Variants in OSBPL6 observed in about 807,000 individuals in gnomAD.
OSBPL6 encodes oxysterol binding protein like 6.
In OSBPL6, 49 loss-of-function variants were observed where a neutral mutation model predicts 125.8. The ratio of observed to expected loss-of-function variants is 0.39; its 90% CI spans 0.31 to 0.49. The LOEUF is 0.49. Among genes scored for constraint, OSBPL6 ranks in the 20% least tolerant of loss-of-function variants. The probability of loss-of-function intolerance (pLI) is 0.88; values close to 1 mark genes in which losing one functional copy is unlikely to be tolerated. For missense variants in OSBPL6, 986 were observed against 1,135.4 expected (o/e 0.87, Z 1.89); for synonymous variants, 394 against 391.8 (o/e 1.01, Z -0.07).
At chr2:178,383,554 C>T (rs904139068) in intron 17 of OSBPL6, among the ~76,000 whole-genome samples, 2 of 152,190 alleles carry the variant, frequency 1.3e-5, no homozygotes, top group Non-Finnish European at 2.9e-5. Context: ...CACACCTTGC[C>T]TCACTTTATC....
At position 178,401,604 on chromosome 2, in the gene OSBPL6, G is replaced by A. The variant is rs1696105337; in HGVS notation, c.*6045G>A. On this transcript the variant is annotated 3_prime_UTR_variant, in exon 25 of 25. Transcript: ENST00000190611. ...AGAAACAAGGCAAGAATGAATACAA[G>A]AGAAATGGAATCTGGGGAAAAAAGT... 6.6e-6 allele frequency: 1 copy of A among 152,200 alleles called. No individual in the cohort carries two copies. Among genetic ancestry groups the A allele is most frequent in the Non-Finnish European group, 1.5e-5 (1 of 68,038 alleles). The allele number at this position is 152,200 out of a possible 1,614,324, so 9.4% of individuals were successfully genotyped here. A position where few individuals can be genotyped will look rare whatever the true frequency, so the allele number is the denominator to read the frequency against.
chr2:178,204,664 G>A (rs1405733394), intron 1 of OSBPL6, among the ~76,000 whole-genome samples: 1 of 152,224 alleles, frequency 6.6e-6, no homozygotes, highest in African/African-American at 2.4e-5. Context: ...ATCTTGGCCA[G>A]AAGGAGAAGT....
chr2:178,384,096 A>C lies in OSBPL6; in HGVS notation c.1933A>C (p.Ser645Arg). The C allele has an allele frequency of 6.2e-7, 1 of 1,614,188 alleles. No individual in the cohort carries two copies. The change falls in exon 18 of 25, where the codon AGT becomes CGT. Residue 645 changes from serine to arginine, a missense_variant. Ser to Arg is a moderately radical substitution (Grantham distance 110, BLOSUM62 -1). Around this residue, in one of 3 missense-constraint regions of OSBPL6, gnomAD observed 843 missense variants for 997.3 expected, o/e 0.85. Coordinates refer to ENST00000190611, the MANE Select transcript of OSBPL6 (RefSeq NM_032523.4). ...GYCSTYFRAG[S>R]KPFNPVLGET... is the part of the protein sequence containing the mutation. ...CTGCTCCACCTATTTCAGAGCAGGA[A>C]GTAAGCCATTCAACCCAGTCCTTGG...
rs1016067358 is a variant in OSBPL6, at chr2:178,230,256, T to C, written c.-351+35582T>C. ...AAATTGTAGATTAGTTGGCTGATCA[T>C]GTGCCAAGTGAAAACTTGTGGAGGT... On this transcript the variant is annotated intron_variant, in intron 1 of 24. Coordinates refer to ENST00000190611, the MANE Select transcript of OSBPL6 (RefSeq NM_032523.4). Among the ~76,000 whole-genome samples, 14 of 152,332 alleles carry C rather than the reference T, an allele frequency of 9.2e-5. No individual in the cohort carries two copies. The East Asian group carries it at 2.5e-3, about 27-fold the overall frequency.
intron 4 of OSBPL6, among the ~76,000 whole-genome samples, chr2:178,325,662 A>G (rs1214796791): frequency 5.3e-5 from 8 of 152,260 alleles, no homozygotes; most frequent in Admixed American, 5.2e-4. Context: ...ACTTTACGCC[A>G]GGCACTGGAT....
Position 178,268,103 on chromosome 2 carries a change from A to G in OSBPL6, c.-350-16824A>G, listed in dbSNP as rs1007630277. Among the ~76,000 whole-genome samples the G allele has an allele frequency of 1.1e-4, 16 of 143,672 alleles. 1 individual carries two copies. The highest frequency in any genetic ancestry group is 2.3e-4 in the Non-Finnish European group (15 of 65,990). 94.3% of individuals were successfully genotyped at this position (143,672 alleles called of 152,430 possible). A position where few individuals can be genotyped will look rare whatever the true frequency, so the allele number is the denominator to read the frequency against. The stretch of plus-strand genomic sequence containing the variant: ...AAATTTTCTTTTTTTTTTTTTTGAG[A>G]TGGAGTTTCACTCTTGTTGCCCAGG... On this transcript the variant is annotated intron_variant, in intron 1 of 24. Transcript: ENST00000190611.
chr2:178,314,823 G>A lies in OSBPL6; in HGVS notation c.102+8537G>A, dbSNP rs59461253. On this transcript the variant is annotated intron_variant, in intron 3 of 24. Coordinates refer to ENST00000190611, the MANE Select transcript of OSBPL6 (RefSeq NM_032523.4). ...CAGTGGAGACAGGATTTGCTCCCTG[G>A]AACCCAGTTTCTGGAGCCCTTGTTC... Among the ~76,000 whole-genome samples, 1,495 of 152,234 alleles carry A rather than the reference G, an allele frequency of 9.8e-3. 30 individuals carry two copies. The highest frequency in any genetic ancestry group is 0.034 in the African/African-American group (1,424 of 41,538).
intron 11 of OSBPL6, chr2:178,344,427 C>A: frequency 6.7e-7 from 1 of 1,499,060 alleles, no homozygotes; most frequent in Non-Finnish European, 9.3e-7. Context: ...GGATGACTCC[C>A]CTGTCCTGAT....
intron 2 of OSBPL6, among the ~76,000 whole-genome samples, chr2:178,302,632 T>C (rs563561477): frequency 9.9e-5 from 15 of 152,272 alleles, no homozygotes; most frequent in Admixed American, 7.2e-4. Context: ...AACAATAACC[T>C]CAAAAACAAT....
chr2:178,375,556 G>A (rs560668332), intron 15 of OSBPL6, among the ~76,000 whole-genome samples: 34 of 152,146 alleles, frequency 2.2e-4, no homozygotes, highest in African/African-American at 8.2e-4. Context: ...CCAAGTAGTG[G>A]GGATTACAGG....
At chr2:178,379,708 A>G (rs1694287346) in intron 15 of OSBPL6, among the ~76,000 whole-genome samples, 1 of 152,190 alleles carries the variant, frequency 6.6e-6, no homozygotes, top group Non-Finnish European at 1.5e-5. Context: ...ACTTTCAAGC[A>G]TAAGAAGTTG....
intron 2 of OSBPL6, among the ~76,000 whole-genome samples, chr2:178,296,369 CAGT>C (rs1332270159): frequency 2.0e-5 from 3 of 152,122 alleles, no homozygotes; most frequent in Non-Finnish European, 2.9e-5. Context: ...AGAGAGACTT[CAGT>C]AAATTGCCTG....
intron 11 of OSBPL6, among the ~76,000 whole-genome samples, chr2:178,346,292 T>C (rs930854892): frequency 1.3e-5 from 2 of 152,214 alleles, no homozygotes; most frequent in Admixed American, 1.3e-4. Context: ...AAAGAATCCC[T>C]GTACACATAG....
At chr2:178,290,347 C>T (rs1267874522) in intron 2 of OSBPL6, among the ~76,000 whole-genome samples, 1 of 151,532 alleles carries the variant, frequency 6.6e-6, no homozygotes, top group Non-Finnish European at 1.5e-5. Flanking sequence ...GAGAAACTTC[C>T]CTTTTTTCTT....
Position 178,383,040 on chromosome 2 carries a change from T to C in OSBPL6, c.1638T>C (p.Leu546=), listed in dbSNP as rs143012068. The C allele has an allele frequency of 1.7e-5, 28 of 1,614,058 alleles. No homozygotes were observed. The highest frequency in any genetic ancestry group is 2.2e-5 in the Non-Finnish European group (26 of 1,180,020). ...TTCTTCCAGTCCTGAATGGGGAGCT[T>C]ACAGGAGGGGCCTTCCGAAATGGGC... ...NISRQILNGE[L]TGGAFRNGRR... is the part of the protein sequence containing the mutation. Residue 546 remains leucine, a synonymous_variant, in exon 17 of 25, where the codon CTT becomes CTC. Coordinates refer to ENST00000190611, the MANE Select transcript of OSBPL6 (RefSeq NM_032523.4).
chr2:178,254,392 C>CAAA (rs397754204), intron 1 of OSBPL6, among the ~76,000 whole-genome samples: 1 of 121,714 alleles, frequency 8.2e-6, no homozygotes, highest in South Asian at 2.6e-4. Context: ...GATTCTGTCT[C>CAAA]AAAAAAAAAA....
At chr2:178,201,748 C>T (rs2089269487) in intron 1 of OSBPL6, among the ~76,000 whole-genome samples, 1 of 152,166 alleles carries the variant, frequency 6.6e-6, no homozygotes. Flanking sequence ...GGCACATGGT[C>T]CACATTAGAG....
Position 178,259,686 on chromosome 2 carries a change from T to C in OSBPL6, c.-350-25241T>C, listed in dbSNP as rs1054818524. 9.2e-5 allele frequency among the ~76,000 whole-genome samples: 14 copies of C among 152,336 alleles called. 1 individual carries two copies. The East Asian group carries it at 1.9e-3, about 21-fold the overall frequency. Reference sequence around the variant, plus strand: ...GGGAAGACATATGTAAGAGTTTATATAGGAAATACTCCTAAGTAGAGCAGT... The same window carrying C: ...GGGAAGACATATGTAAGAGTTTATACAGGAAATACTCCTAAGTAGAGCAGT... On this transcript the variant is annotated intron_variant, in intron 1 of 24. Transcript: ENST00000190611.
chr2:178,361,744 A>G lies in OSBPL6; in HGVS notation c.1216A>G (p.Met406Val). The change falls in exon 13 of 25, where the codon ATG (methionine) becomes GTG (valine). Residue 406 changes from methionine (M) to valine (V), a missense_variant. This residue lies in a region of OSBPL6 where 843 missense variants were observed against 997.3 expected (regional missense o/e 0.85). Transcript: ENST00000190611. ...IAIEKEKLKQ[M>V]VSEQDHSKGH... ...TATAGAGAAGGAGAAGCTGAAGCAG[A>G]TGGTTTCCGAGCAGGATCACAGTAA... The G allele has an allele frequency of 6.2e-7, 1 of 1,614,176 alleles. No homozygotes were observed.
Sources: allele counts gnomAD v4.1 joint callset (sites outside exome capture counted in the v4.1 genomes callset), GRCh38; gene constraint gnomAD v4.1.1; regional missense constraint gnomAD v4.1.1; transcripts MANE v1.5; gene names NCBI Gene and HGNC (gene_info 2026-07-23, HGNC 2026-07-21).